ITIH2: variants seen among roughly 807,000 people sequenced by gnomAD.
The protein encoded by ITIH2 is inter-alpha-trypsin inhibitor heavy chain 2.
ITIH2 carries 103 observed loss-of-function variants against 104.4 expected under a neutral mutation model. That is an observed-to-expected ratio of 0.99 (90% CI 0.84 to 1.16). ITIH2 has a LOEUF of 1.16. ITIH2 is among the 50% of genes most tolerant of loss of function. The pLI is 0.00. For synonymous variants in ITIH2, 436 were observed against 435.4 expected, an observed-to-expected ratio of 1.00 and a Z score of -0.02; for missense variants, 1,108 against 1,162.4, an observed-to-expected ratio of 0.95 and a Z score of 0.68.
rs748622020 is a variant in ITIH2, at chr10:7,705,171, C to A, written c.148C>A (p.Arg50=). ...PGKFQLVAEN[R]RYQRSLPGES... ...CAAATTTCAATTGGTGGCAGAGAAC[C>A]GGAGATATCAGGTATAGTAAGGTTT... Residue 50 remains arginine, a synonymous_variant, in exon 2 of 21, where the codon CGG becomes AGG. Transcript: ENST00000358415. 1.9e-6 allele frequency: 3 copies of A among 1,608,018 alleles called. No homozygotes were observed. Among genetic ancestry groups the A allele is most frequent in the South Asian group, 2.2e-5 (2 of 90,872 alleles).
In ITIH2 at chr10:7,731,981, T is replaced by C; in HGVS notation, c.1632T>C (p.Val544=). Residue 544 remains valine (V), a synonymous_variant, in exon 13 of 21, where the codon GTT becomes GTC. Transcript: ENST00000358415. Reference sequence around the variant, plus strand: ...CTAAATTGGATCAAATAGAGAGCGTTATCACGGCGACTTCGGTACTTCCAC... The same window carrying C: ...CTAAATTGGATCAAATAGAGAGCGTCATCACGGCGACTTCGGTACTTCCAC... ...DPAKLDQIES[V]ITATSANTQL... The C allele has an allele frequency of 6.2e-7, 1 of 1,613,568 alleles. No individual in the cohort carries two copies. Among genetic ancestry groups the C allele is most frequent in the Non-Finnish European group, 8.5e-7 (1 of 1,179,614 alleles).
intron 3 of ITIH2, 133 bp downstream of exon 3, chr10:7,707,366 G>C (rs1406649770): frequency 1.5e-6 from 1 of 649,458 alleles, no homozygotes; most frequent in African/African-American, 1.8e-5. Context: ...TTGCCCAACT[G>C]TTTGCAAGTG....
intron 20 of ITIH2, among the ~76,000 whole-genome samples, chr10:7,748,260 A>T (rs1455502035): frequency 6.8e-6 from 1 of 146,438 alleles, no homozygotes; most frequent in Middle Eastern, 3.6e-3. Flanking sequence ...ATATATATAT[A>T]TTTACTATAA....
At chr10:7,731,577 T>G (rs1459724119) in intron 12 of ITIH2, among the ~76,000 whole-genome samples, 4 of 151,918 alleles carry the variant, frequency 2.6e-5, no homozygotes, top group Admixed American at 6.6e-5. Context: ...ATACAAAAAT[T>G]AGCCGGGCTT....
At chr10:7,703,941 G>A (rs987162265) in intron 1 of ITIH2, among the ~76,000 whole-genome samples, 2 of 152,188 alleles carry the variant, frequency 1.3e-5, no homozygotes, top group African/African-American at 4.8e-5. Context: ...CTTTTACTAA[G>A]AGTATAAGAA....
intron 7 of ITIH2, 97 bp from the exon 8 acceptor site, chr10:7,721,552 T>C (rs540784771): frequency 3.5e-5 from 39 of 1,122,892 alleles, no homozygotes; most frequent in Admixed American, 8.9e-5. Flanking sequence ...AGAACGTCCA[T>C]TGGGCAGCTC....
intron 16 of ITIH2, among the ~76,000 whole-genome samples, chr10:7,740,456 A>C (rs1015861715): frequency 3.3e-5 from 5 of 152,216 alleles, no homozygotes; most frequent in African/African-American, 1.2e-4. Flanking sequence ...CTGGAGGAGC[A>C]GTTGCTTTTA....
rs538091209 is a variant in ITIH2 at position 7,703,500 on chromosome 10, C to G, written c.66C>G (p.Pro22=). The stretch of plus-strand genomic sequence containing the variant: ...CTGAAGTATCAGGCTTCGAAATCCC[C>G]ATAAATGGACTTTCTGAAGTAAGTA... ...FLSEVSGFEI[P]INGLSEFVDY... is the part of the protein sequence containing the mutation. Residue 22 remains proline (P), a synonymous_variant, in exon 1 of 21, where the codon CCC becomes CCG. Transcript: ENST00000358415. 1 of 1,611,372 alleles carries G rather than the reference C, an allele frequency of 6.2e-7. No homozygotes were observed. The highest frequency in any genetic ancestry group is 1.1e-5 in the South Asian group (1 of 91,000).
At chr10:7,745,024 G>T in intron 19 of ITIH2, 61 bp downstream of exon 19, 1 of 1,443,362 alleles carries the variant, frequency 6.9e-7, no homozygotes, top group East Asian at 2.3e-5. Flanking sequence ...AGCAGCTTTG[G>T]TTGACAGTGG....
intron 5 of ITIH2, among the ~76,000 whole-genome samples, chr10:7,715,569 C>G (rs1244437874): frequency 6.6e-6 from 1 of 152,182 alleles, no homozygotes. Context: ...AGCTCCCATC[C>G]TAGTGCACCC....
chr10:7,723,416 C>G, intron 8 of ITIH2, 35 bp from the exon 9 acceptor site: 2 of 1,334,344 alleles, frequency 1.5e-6, no homozygotes, highest in Non-Finnish European at 1.1e-6. Context: ...AAACACGAAT[C>G]ATGATTTGAC....
In ITIH2 at chr10:7,735,679, T is replaced by C. The variant is rs867303917; in HGVS notation, c.1957+588T>C. 2.3e-4 allele frequency among the ~76,000 whole-genome samples: 34 copies of C among 149,232 alleles called. No homozygotes were observed. The East Asian group carries it at 2.9e-3, about 13-fold the overall frequency. ...CTTTTCTTTTCTTTTCTTTTCTTTTTTTTTTTTTTTTGAGACAGAGTCTTG... is the reference window on the plus strand; with the variant it reads ...CTTTTCTTTTCTTTTCTTTTCTTTTCTTTTTTTTTTTGAGACAGAGTCTTG... On this transcript the variant is annotated intron_variant, in intron 15 of 20. Transcript: ENST00000358415.
chr10:7,705,395 T>A (rs1393563335), intron 2 of ITIH2, among the ~76,000 whole-genome samples: 3 of 152,162 alleles, frequency 2.0e-5, no homozygotes, highest in Non-Finnish European at 4.4e-5. Flanking sequence ...CACACCATAA[T>A]GCTCAATTTA....
rs750541386 is a variant in ITIH2, at chr10:7,744,096, G to A, written c.2224G>A (p.Gly742Ser). 6.2e-6 allele frequency: 10 copies of A among 1,613,846 alleles called. No individual in the cohort carries two copies. Among genetic ancestry groups the A allele is most frequent in the South Asian group, 4.4e-5 (4 of 91,052 alleles). Residue 742 changes from glycine to serine, a missense_variant, in exon 18 of 21, where the codon GGT becomes AGT. Physicochemically the swap from Gly to Ser is moderately conservative, Grantham distance 56. Transcript: ENST00000358415. ...SDPESGIVVN[G>S]QLVGAKKPNN... ...CTTTCCTGTAGGAATTGTAGTCAAC[G>A]GTCAGCTTGTTGGTGCCAAGAAGCC...
chr10:7,705,797 T>C (rs1462331785), intron 2 of ITIH2, among the ~76,000 whole-genome samples: 1 of 152,116 alleles, frequency 6.6e-6, no homozygotes, highest in East Asian at 1.9e-4. Context: ...GATTTCCTGT[T>C]AGGAAGACTT....
At chr10:7,721,900 G>C (rs1834907607) in intron 8 of ITIH2, 123 bp downstream of exon 8, 2 of 981,260 alleles carry the variant, frequency 2.0e-6, no homozygotes, top group Non-Finnish European at 3.1e-6. Flanking sequence ...TAGCTGCAGA[G>C]AAGGGACTAA....
chr10:7,721,564 T>A, intron 7 of ITIH2, 85 bp from the exon 8 acceptor site: 1 of 1,297,018 alleles, frequency 7.7e-7, no homozygotes, highest in East Asian at 2.3e-5. Context: ...GGGCAGCTCC[T>A]CTTCCCTGTG....
intron 4 of ITIH2, among the ~76,000 whole-genome samples, chr10:7,711,056 G>A (rs529838365): frequency 2.7e-4 from 41 of 151,994 alleles, no homozygotes; most frequent in African/African-American, 8.0e-4. Flanking sequence ...CCCCACATGC[G>A]TTAGCTGTTT....
In ITIH2 at chr10:7,721,650, C is replaced by A. The variant is rs367589160; in HGVS notation, c.740C>A (p.Ala247Glu). Residue 247 changes from alanine to glutamate, a missense_variant and splice_region_variant, in exon 8 of 21, where the codon GCG (alanine) becomes GAG (glutamate). By Grantham distance (107) the Ala-to-Glu change is moderately radical. Transcript: ENST00000358415. ...VPVISKGQQK[A>E]HVSFKPTVAQ... ...CTCTGATGTCACCGTTCTTTCTAGG[C>A]GCACGTCTCCTTCAAGCCCACGGTA... 6.3e-5 allele frequency: 102 copies of A among 1,612,910 alleles called. No homozygotes were observed. Among genetic ancestry groups the A allele is most frequent in the Non-Finnish European group, 8.6e-5 (101 of 1,179,324 alleles).
Sources: gnomAD v4.1 joint callset for allele counts (sites outside exome capture counted in the v4.1 genomes callset) on GRCh38, gnomAD v4.1.1 for gene constraint, MANE v1.5 for transcripts, NCBI Gene and HGNC (gene_info 2026-07-23, HGNC 2026-07-21) for gene names.